Variants in ZNF124 observed in about 807,000 individuals in gnomAD.
ZNF124 encodes zinc finger protein 124, also known as zinc finger protein HZF-16.
Under a neutral mutation model 26.6 loss-of-function variants are expected in ZNF124, and 25 were observed. The observed-to-expected ratio is 0.94, with a 90% CI of 0.68 to 1.31. The LOEUF is 1.31. Among genes scored for constraint, ZNF124 ranks in the 40% most tolerant of loss-of-function variants. ZNF124 has a pLI of 0.00. For synonymous variants in ZNF124, 129 were observed against 133.3 expected (o/e 0.97, Z 0.22); for missense variants, 444 against 422.2 (o/e 1.05, Z -0.45).
intron 1 of ZNF124, among the ~76,000 whole-genome samples, chr1:247,170,184 A>C (rs1245650789): frequency 2.2e-5 from 3 of 138,876 alleles, no homozygotes; most frequent in Non-Finnish European, 4.6e-5. Flanking sequence ...GGTACAAAGA[A>C]TTTTTTATAG....
At chr1:247,164,606 AAAAC>A (rs1047903805) in intron 1 of ZNF124, among the ~76,000 whole-genome samples, 8 of 152,222 alleles carry the variant, frequency 5.3e-5, no homozygotes, top group African/African-American at 1.2e-4. Flanking sequence ...AAAACAAAAC[AAAAC>A]AAACAGAGAT....
chr1:247,150,742 T>G (rs1672909807), downstream of ZNF124, among the ~76,000 whole-genome samples: 1 of 151,382 alleles, frequency 6.6e-6, no homozygotes, highest in Non-Finnish European at 1.5e-5. Context: ...CTGGAAAAAA[T>G]GGAATTCCTA....
downstream of ZNF124, among the ~76,000 whole-genome samples, chr1:247,153,089 C>CAT (rs1672992034): frequency 6.6e-6 from 1 of 150,856 alleles, no homozygotes; most frequent in Non-Finnish European, 1.5e-5. Context: ...GCTGAGATTG[C>CAT]GCCACTGCAC....
chr1:247,146,486 A>G (rs964918034), intron 3 of ZNF124, among the ~76,000 whole-genome samples: 12 of 152,198 alleles, frequency 7.9e-5, no homozygotes, highest in Non-Finnish European at 1.5e-4. Context: ...TAGCAAGCTT[A>G]TAACTGACTT....
chr1:247,146,897 C>G (rs973526584), intron 3 of ZNF124, among the ~76,000 whole-genome samples: 2 of 152,024 alleles, frequency 1.3e-5, no homozygotes, highest in African/African-American at 4.8e-5. Context: ...GAACAGGTAC[C>G]GGGGGGTAGC....
chr1:247,164,750 C>T (rs982353337), intron 1 of ZNF124, among the ~76,000 whole-genome samples: 3 of 152,098 alleles, frequency 2.0e-5, no homozygotes, highest in Non-Finnish European at 1.5e-5. Context: ...CATTGTTCAC[C>T]AAATTAGATA....
chr1:247,159,758 A>G lies in ZNF124; in HGVS notation c.86T>C (p.Leu29Ser). 6.2e-7 allele frequency: 1 copy of G among 1,613,866 alleles called. No homozygotes were observed. The highest frequency in any genetic ancestry group is 8.5e-7 in the Non-Finnish European group (1 of 1,179,948). ...AVNFTQEEWA[L>S]LDPSQKNLYR... is the part of the protein sequence containing the mutation. ...GAGATTCTTCTGGGAAGGATCCAAC[A>G]AAGCCCACTCCTCCTGGGTGAAGTT... Residue 29 changes from leucine to serine, a missense_variant, in exon 2 of 4, where the codon TTG (leucine) becomes TCG (serine). Coordinates refer to ENST00000543802, the MANE Select transcript of ZNF124 (RefSeq NM_001297568.2).
downstream of ZNF124, among the ~76,000 whole-genome samples, chr1:247,150,246 TAAAC>T (rs1469389355): frequency 1.3e-5 from 2 of 152,192 alleles, no homozygotes; most frequent in South Asian, 2.1e-4. Flanking sequence ...ATTTTAAAAT[TAAAC>T]ATACAAATAA....
chr1:247,158,381 T>A (rs1188020565), intron 3 of ZNF124, among the ~76,000 whole-genome samples: 1 of 152,120 alleles, frequency 6.6e-6, no homozygotes, highest in Non-Finnish European at 1.5e-5. Context: ...CTCTCTGAGG[T>A]CCTCATCAGA....
exon 4 of ZNF124, chr1:247,123,249 T>C (rs995537108): frequency 2.6e-5 from 4 of 151,904 alleles, no homozygotes; most frequent in Non-Finnish European, 5.9e-5. Flanking sequence ...CAGGCTGGAG[T>C]ACAGTGGCGC....
intron 3 of ZNF124, among the ~76,000 whole-genome samples, chr1:247,128,866 GA>G (rs1672281183): frequency 6.9e-6 from 1 of 145,110 alleles, no homozygotes; most frequent in Non-Finnish European, 1.5e-5. Flanking sequence ...GGTGGGCATT[GA>G]GTACTTCCCC....
rs1488743587 is a variant in ZNF124, at chr1:247,159,688, T to C, written c.156A>G (p.Ile52Met). The C allele has an allele frequency of 6.2e-7, 1 of 1,610,140 alleles. No homozygotes were observed. Among genetic ancestry groups the C allele is most frequent in the African/African-American group, 1.3e-5 (1 of 74,678 alleles). Residue 52 changes from isoleucine (I) to methionine (M), a missense_variant and splice_region_variant, in exon 2 of 4, where the codon ATA becomes ATG. Physicochemically the swap from Ile to Met is conservative, Grantham distance 10. Transcript: ENST00000543802. ...GTGAAGAAATATTGTGATTCTTACC[T>C]ATGGAAGCCAGATTCCTGAAGGTTT... ...MQETFRNLAS[I>M]GNKGEDQSIE...
rs1417671123 is a variant in ZNF124 at position 247,156,247 on chromosome 1, G to A, written c.*319C>T. On this transcript the variant is annotated 3_prime_UTR_variant, in exon 4 of 4. Coordinates refer to ENST00000543802, the MANE Select transcript of ZNF124 (RefSeq NM_001297568.2). ...GATAAATGAAGGCATTCTCACATTCGATACCTTCATAAAGTTTTTCTCTAG... is the reference window on the plus strand; with the variant it reads ...GATAAATGAAGGCATTCTCACATTCAATACCTTCATAAAGTTTTTCTCTAG... 2.4e-5 allele frequency: 25 copies of A among 1,042,598 alleles called. No individual in the cohort carries two copies. Among genetic ancestry groups the A allele is most frequent in the Non-Finnish European group, 2.8e-5 (24 of 868,682 alleles). 64.6% of individuals were successfully genotyped at this position (1,042,598 alleles called of 1,614,324 possible). A position where few individuals can be genotyped will look rare whatever the true frequency, so the allele number is the denominator to read the frequency against.
chr1:247,132,468 G>A (rs994002706), intron 3 of ZNF124, among the ~76,000 whole-genome samples: 4 of 152,314 alleles, frequency 2.6e-5, no homozygotes, highest in Non-Finnish European at 4.4e-5. Flanking sequence ...GTAGGCTTCA[G>A]AAGATGGCTA....
exon 4 of ZNF124, chr1:247,122,000 G>C (rs1672095416): frequency 6.6e-6 from 1 of 152,214 alleles, no homozygotes; most frequent in Non-Finnish European, 1.5e-5. Flanking sequence ...TTTATTGTGT[G>C]AGTCAAATGA....
chr1:247,167,967 CAG>C (rs1673875908), intron 1 of ZNF124, among the ~76,000 whole-genome samples: 1 of 152,156 alleles, frequency 6.6e-6, no homozygotes, highest in Non-Finnish European at 1.5e-5. Context: ...ACATCACTAT[CAG>C]GGAAATGCAA....
chr1:247,153,218 A>G (rs574003210), downstream of ZNF124, among the ~76,000 whole-genome samples: 4 of 152,162 alleles, frequency 2.6e-5, no homozygotes, highest in African/African-American at 4.8e-5. Context: ...ATTTTTTTCA[A>G]TTATTAAAAG....
chr1:247,143,375 C>T (rs1258181602), intron 3 of ZNF124, among the ~76,000 whole-genome samples: 1 of 152,220 alleles, frequency 6.6e-6, no homozygotes, highest in African/African-American at 2.4e-5. Flanking sequence ...CAGGCACACA[C>T]TGCTCTACAG....
chr1:247,128,162 T>C (rs910480906), intron 3 of ZNF124, among the ~76,000 whole-genome samples: 7 of 152,352 alleles, frequency 4.6e-5, no homozygotes, highest in African/African-American at 1.2e-4. Flanking sequence ...GTATTGTAAT[T>C]GTTTATCATG....
Sources: gnomAD v4.1 joint callset for allele counts (sites outside exome capture counted in the v4.1 genomes callset) on GRCh38, gnomAD v4.1.1 for gene constraint, MANE v1.5 for transcripts, NCBI Gene and HGNC (gene_info 2026-07-23, HGNC 2026-07-21) for gene names.